The following ZIC2 variants were observed in gnomAD, a reference collection of about 807,000 sequenced individuals.
The protein encoded by ZIC2 is Zic family zinc finger 2, also known as zinc finger protein ZIC 2.
A neutral mutation model predicts 29.5 loss-of-function variants in ZIC2; 7 were observed. The observed-to-expected ratio is 0.24, with a 90% CI of 0.14 to 0.45. The LOEUF (loss-of-function observed/expected upper bound fraction) is 0.45. Among genes scored for constraint, ZIC2 ranks in the 20% least tolerant of loss-of-function variants. ZIC2 has a pLI of 1.00. For synonymous variants in ZIC2, 408 were observed against 354.2 expected (o/e 1.15, Z -1.70); for missense variants, 589 against 781.2 (o/e 0.75, Z 2.93).
At position 99,985,469 on chromosome 13, in the gene ZIC2, G is replaced by T. The variant is rs1383451056; in HGVS notation, c.1386G>T (p.Ala462=). 5.6e-5 allele frequency: 73 copies of T among 1,305,642 alleles called. No individual in the cohort carries two copies. Among genetic ancestry groups the T allele is most frequent in the Non-Finnish European group, 6.2e-5 (64 of 1,036,086 alleles). 80.9% of individuals were successfully genotyped at this position (1,305,642 alleles called of 1,614,324 possible). The change falls in exon 3 of 3, where the codon GCG becomes GCT. Residue 462 remains alanine, a synonymous_variant. Coordinates refer to ENST00000376335, the MANE Select transcript of ZIC2 (RefSeq NM_007129.5). The surrounding 1 kb of genome is among the most constrained non-coding windows in gnomAD (Gnocchi z 6.3). ...CCCCAGCGGCGGCGGCAGCGGCGGC[G>T]GCGGCTGCGGCGGCGGCGGCCGCGG... ...NLSPAAAAAA[A]AAAAAAAAVS... is the part of the protein sequence containing the mutation.
intron 1 of ZIC2, 184 bp from the exon 2 acceptor site, chr13:99,984,762 G>T (rs1266844065): frequency 2.0e-5 from 13 of 657,766 alleles, no homozygotes; most frequent in Non-Finnish European, 3.2e-5. Flanking sequence ...AAATGAGCAG[G>T]ACTGTCGGGC....
Position 99,982,343 on chromosome 13 carries a change from T to A in ZIC2, c.279T>A (p.Ala93=). 1 of 1,465,644 alleles carries A rather than the reference T, an allele frequency of 6.8e-7. No homozygotes were observed. Among genetic ancestry groups the A allele is most frequent in the Non-Finnish European group, 9.0e-7 (1 of 1,111,442 alleles). 90.8% of individuals were successfully genotyped at this position (1,465,644 alleles called of 1,614,324 possible). ...GAYPGSAAAA[A]AAAALGPHAA... is the part of the protein sequence containing the mutation. ...ACCCCGGCTCCGCTGCGGCTGCCGC[T>A]GCGGCCGCAGCGCTCGGGCCCCACG... The change falls in exon 1 of 3, where the codon GCT becomes GCA. Residue 93 remains alanine, a synonymous_variant. Transcript: ENST00000376335.
At position 99,985,073 on chromosome 13, in the gene ZIC2, C is replaced by T. The variant is rs185662169; in HGVS notation, c.1203C>T (p.Ser401=). 8 of 1,614,164 alleles carry T rather than the reference C, an allele frequency of 5.0e-6. No individual in the cohort carries two copies. The Admixed American group carries it at 1.2e-4, about 24-fold the overall frequency. ...KPYLCKMCDK[S]YTHPSSLRKH... is the part of the protein sequence containing the mutation. Reference sequence around the variant, plus strand: ...ATCTCTGCAAGATGTGCGACAAGTCCTACACGCACCCCAGCTCGCTGCGGA... The same window carrying T: ...ATCTCTGCAAGATGTGCGACAAGTCTTACACGCACCCCAGCTCGCTGCGGA... The change falls in exon 2 of 3, where the codon TCC becomes TCT. Residue 401 remains serine, a synonymous_variant. Coordinates refer to ENST00000376335, the MANE Select transcript of ZIC2 (RefSeq NM_007129.5). This position sits in a 1 kb window ranked among gnomAD's most constrained non-coding sequence, Gnocchi z 6.3.
rs1263379769 is a variant in ZIC2 at position 99,982,710 on chromosome 13, C to G, written c.646C>G (p.Pro216Ala). The change falls in exon 1 of 3, where the codon CCC becomes GCC. Residue 216 changes from proline (P) to alanine (A), a missense_variant. Physicochemically the swap from Pro to Ala is conservative, Grantham distance 27. Transcript: ENST00000376335. ...GGCGCAACTCCACAACCAGTACGGC[C>G]CCATGAATATGAACATGGGTATGAA... ...SAAQLHNQYG[P>A]MNMNMGMNMA... The G allele has an allele frequency of 6.2e-7, 1 of 1,600,864 alleles. No homozygotes were observed. The highest frequency in any genetic ancestry group is 8.5e-7 in the Non-Finnish European group (1 of 1,179,914).
Position 99,982,114 on chromosome 13 carries a change from T to A in ZIC2, c.50T>A (p.Phe17Tyr). 1 of 1,290,900 alleles carries A rather than the reference T, an allele frequency of 7.7e-7. No individual in the cohort carries two copies. The highest frequency in any genetic ancestry group is 9.8e-7 in the Non-Finnish European group (1 of 1,024,014). The allele number at this position is 1,290,900 out of a possible 1,614,324, so 80.0% of individuals were successfully genotyped here. A position where few individuals can be genotyped will look rare whatever the true frequency, so the allele number is the denominator to read the frequency against. Residue 17 changes from phenylalanine (F) to tyrosine (Y), a missense_variant, in exon 1 of 3, where the codon TTC (phenylalanine) becomes TAC (tyrosine). By Grantham distance (22) the Phe-to-Tyr change is conservative (BLOSUM62 3). Coordinates refer to ENST00000376335, the MANE Select transcript of ZIC2 (RefSeq NM_007129.5). The stretch of plus-strand genomic sequence containing the variant: ...TTCCCGGCCATCGGGGTGGGCAGCT[T>A]CGCGCGCCACCATCACCACTCCGCC... ...PQFPAIGVGSFARHHHHSAAA... is the reference protein window; with the variant it reads ...PQFPAIGVGSYARHHHHSAAA...
In ZIC2 at chr13:99,982,172, G is replaced by A. The variant is rs1408955612; in HGVS notation, c.108G>A (p.Gln36=). 4.2e-6 allele frequency: 6 copies of A among 1,444,580 alleles called. No individual in the cohort carries two copies. The highest frequency in any genetic ancestry group is 5.4e-6 in the Non-Finnish European group (6 of 1,105,400). The allele number at this position is 1,444,580 out of a possible 1,614,324, so 89.5% of individuals were successfully genotyped here. The change falls in exon 1 of 3, where the codon CAG becomes CAA. Residue 36 remains glutamine, a synonymous_variant. Transcript: ENST00000376335. ...AAAAAAAAEM[Q]DRELSLAAAQ... ...CGGCGGCGGCTGCCGCCGAGATGCA[G>A]GACCGTGAACTGAGCCTGGCGGCGG...
Position 99,982,087 on chromosome 13 carries a change from A to C in ZIC2, c.23A>C (p.Gln8Pro), listed in dbSNP as rs1340189366. The C allele has an allele frequency of 8.0e-7, 1 of 1,257,128 alleles. No homozygotes were observed. Among genetic ancestry groups the C allele is most frequent in the Non-Finnish European group, 1.0e-6 (1 of 1,004,970 alleles). 77.9% of individuals were successfully genotyped at this position (1,257,128 alleles called of 1,614,324 possible). A position where few individuals can be genotyped will look rare whatever the true frequency, so the allele number is the denominator to read the frequency against. The stretch of plus-strand genomic sequence containing the variant: ...GCCATGCTCCTGGACGCGGGTCCGC[A>C]GTTCCCGGCCATCGGGGTGGGCAGC... MLLDAGP[Q>P]FPAIGVGSFA... is the part of the protein sequence containing the mutation. The change falls in exon 1 of 3, where the codon CAG (glutamine) becomes CCG (proline). Residue 8 changes from glutamine to proline, a missense_variant. This residue lies in a region of ZIC2 where 358 missense variants were observed against 382.0 expected (regional missense o/e 0.94). Transcript: ENST00000376335.
In ZIC2 at chr13:99,985,494, G is replaced by T; in HGVS notation, c.1411G>T (p.Val471Leu). The stretch of plus-strand genomic sequence containing the variant: ...GGCGGCTGCGGCGGCGGCGGCCGCG[G>T]TGTCCGCGGTGCACCGGGGCGGAGG... ...AAAAAAAAAA[V>L]SAVHRGGGSG... Residue 471 changes from valine to leucine, a missense_variant, in exon 3 of 3, where the codon GTG (valine) becomes TTG (leucine). Physicochemically the swap from Val to Leu is conservative, Grantham distance 32. Coordinates refer to ENST00000376335, the MANE Select transcript of ZIC2 (RefSeq NM_007129.5). This position sits in a 1 kb window ranked among gnomAD's most constrained non-coding sequence, Gnocchi z 6.3. 3.3e-6 allele frequency: 4 copies of T among 1,216,662 alleles called. No individual in the cohort carries two copies. The highest frequency in any genetic ancestry group is 4.1e-6 in the Non-Finnish European group (4 of 985,206). 75.4% of individuals were successfully genotyped at this position (1,216,662 alleles called of 1,614,324 possible). A position where few individuals can be genotyped will look rare whatever the true frequency, so the allele number is the denominator to read the frequency against.
rs946231184 is a variant in ZIC2, at chr13:99,982,175, C to T, written c.111C>T (p.Asp37=). The change falls in exon 1 of 3, where the codon GAC becomes GAT. Residue 37 remains aspartate, a synonymous_variant. Transcript: ENST00000376335. ...CGGCGGCTGCCGCCGAGATGCAGGA[C>T]CGTGAACTGAGCCTGGCGGCGGCGC... ...AAAAAAAEMQ[D]RELSLAAAQN... 2 of 1,472,316 alleles carry T rather than the reference C, an allele frequency of 1.4e-6. No homozygotes were observed. Among genetic ancestry groups the T allele is most frequent in the Admixed American group, 2.3e-5 (1 of 43,310 alleles). The allele number at this position is 1,472,316 out of a possible 1,614,324, so 91.2% of individuals were successfully genotyped here. A position where few individuals can be genotyped will look rare whatever the true frequency, so the allele number is the denominator to read the frequency against.
At position 99,986,326 on chromosome 13, in the gene ZIC2, A is replaced by G; in HGVS notation, c.*644A>G. On this transcript the variant is annotated 3_prime_UTR_variant, in exon 3 of 3. Transcript: ENST00000376335. ...GACTGGAAAAAATGAGCCGTGCCAA[A>G]GTCTCCCTTCTGTTTCTTCAGCACA... 1 of 274,372 alleles carries G rather than the reference A, an allele frequency of 3.6e-6. No homozygotes were observed. Among genetic ancestry groups the G allele is most frequent in the Non-Finnish European group, 7.1e-6 (1 of 140,008 alleles). 17.0% of individuals were successfully genotyped at this position (274,372 alleles called of 1,614,324 possible). A position where few individuals can be genotyped will look rare whatever the true frequency, so the allele number is the denominator to read the frequency against.
At position 99,985,645 on chromosome 13, in the gene ZIC2, G is replaced by T; in HGVS notation, c.1562G>T (p.Ser521Ile). 7.7e-7 allele frequency: 1 copy of T among 1,298,492 alleles called. No individual in the cohort carries two copies. The highest frequency in any genetic ancestry group is 1.0e-6 in the Non-Finnish European group (1 of 1,002,458). 80.4% of individuals were successfully genotyped at this position (1,298,492 alleles called of 1,614,324 possible). The stretch of plus-strand genomic sequence containing the variant: ...GGCAGCGGGACAGCCGGGGGTCACA[G>T]CGGCCTCTCCTCCAACTTCAATGAA... ...GGGSGTAGGH[S>I]GLSSNFNEWY... The change falls in exon 3 of 3, where the codon AGC (serine) becomes ATC (isoleucine). Residue 521 changes from serine (S) to isoleucine (I), a missense_variant. By Grantham distance (142) the Ser-to-Ile change is moderately radical. Coordinates refer to ENST00000376335, the MANE Select transcript of ZIC2 (RefSeq NM_007129.5). This position sits in a 1 kb window ranked among gnomAD's most constrained non-coding sequence, Gnocchi z 6.3.
chr13:99,985,443 T>C lies in ZIC2; in HGVS notation c.1360T>C (p.Ser454Pro). The C allele has an allele frequency of 7.0e-7, 1 of 1,424,472 alleles. No individual in the cohort carries two copies. The highest frequency in any genetic ancestry group is 9.1e-7 in the Non-Finnish European group (1 of 1,097,368). The allele number at this position is 1,424,472 out of a possible 1,614,324, so 88.2% of individuals were successfully genotyped here. ...CGAGCCCCAGAGCAGCTCCAACCTG[T>C]CCCCAGCGGCGGCGGCAGCGGCGGC... ...SAEPQSSSNLSPAAAAAAAAA... is the reference protein window; with the variant it reads ...SAEPQSSSNLPPAAAAAAAAA... Residue 454 changes from serine (S) to proline (P), a missense_variant, in exon 3 of 3, where the codon TCC becomes CCC. Ser to Pro is a moderately conservative substitution (Grantham distance 74, BLOSUM62 -1). Transcript: ENST00000376335. This position sits in a 1 kb window ranked among gnomAD's most constrained non-coding sequence, Gnocchi z 6.3.
In ZIC2 at chr13:99,985,276, T is replaced by A; in HGVS notation, c.1240-47T>A. The A allele has an allele frequency of 6.2e-7, 1 of 1,600,360 alleles. No homozygotes were observed. On this transcript the variant is annotated intron_variant, in intron 2 of 2. Transcript: ENST00000376335. This position sits in a 1 kb window ranked among gnomAD's most constrained non-coding sequence, Gnocchi z 6.3. ...GGGCCCGGCCCCACAGCAGCTGCAC[T>A]CACACCCAGTCCCCTCTGGTCCCCC...
chr13:99,984,610 C>T (rs1322372656), intron 1 of ZIC2: 5 of 374,986 alleles, frequency 1.3e-5, no homozygotes, highest in Non-Finnish European at 2.6e-5. Flanking sequence ...ATAATAACAG[C>T]TTCTCCGTGG....
At position 99,982,919 on chromosome 13, in the gene ZIC2, A is replaced by G. The variant is rs780880109; in HGVS notation, c.855A>G (p.Thr285=). ...TCAGCACCATGCACGAGCTGGTGAC[A>G]CACGTCTCGGTGGAGCACGTCGGCG... is the stretch of plus-strand genomic sequence containing the variant. ...KTFSTMHELV[T]HVSVEHVGGP... The change falls in exon 1 of 3, where the codon ACA becomes ACG. Residue 285 remains threonine, a synonymous_variant. Coordinates refer to ENST00000376335, the MANE Select transcript of ZIC2 (RefSeq NM_007129.5). 139 of 1,612,936 alleles carry G rather than the reference A, an allele frequency of 8.6e-5. No individual in the cohort carries two copies. The highest frequency in any genetic ancestry group is 6.3e-5 in the Non-Finnish European group (74 of 1,179,878).
In ZIC2 at chr13:99,983,388, A is replaced by G. The variant is rs952285196; in HGVS notation, c.1075+249A>G. On this transcript the variant is annotated intron_variant, in intron 1 of 2. Transcript: ENST00000376335. The surrounding 1 kb of genome is among the most constrained non-coding windows in gnomAD (Gnocchi z 4.7). The stretch of plus-strand genomic sequence containing the variant: ...CTCACATCAAATGTATGCTTGGGTC[A>G]TGCAATTGCTTCGTTTGCTCAGCCC... Among the ~76,000 whole-genome samples the G allele has an allele frequency of 6.6e-5, 10 of 152,232 alleles. No homozygotes were observed. Among genetic ancestry groups the G allele is most frequent in the Non-Finnish European group, 1.3e-4 (9 of 68,044 alleles).
rs931419135 is a variant in ZIC2, at chr13:99,982,080, G to A, written c.16G>A (p.Gly6Ser). Residue 6 changes from glycine to serine, a missense_variant, in exon 1 of 3, where the codon GGT becomes AGT. Physicochemically the swap from Gly to Ser is moderately conservative, Grantham distance 56 (BLOSUM62 0). Around this residue, in one of 7 missense-constraint regions of ZIC2, gnomAD observed 358 missense variants for 382.0 expected, o/e 0.94. Transcript: ENST00000376335. MLLDA[G>S]PQFPAIGVGS... is the part of the protein sequence containing the mutation. Reference sequence around the variant, plus strand: ...CGCGCTGGCCATGCTCCTGGACGCGGGTCCGCAGTTCCCGGCCATCGGGGT... The same window carrying A: ...CGCGCTGGCCATGCTCCTGGACGCGAGTCCGCAGTTCCCGGCCATCGGGGT... 8.0e-7 allele frequency: 1 copy of A among 1,254,896 alleles called. No homozygotes were observed. Among genetic ancestry groups the A allele is most frequent in the Non-Finnish European group, 1.0e-6 (1 of 1,003,272 alleles). The allele number at this position is 1,254,896 out of a possible 1,614,324, so 77.7% of individuals were successfully genotyped here.
chr13:99,984,883 C>T (rs983259108), intron 1 of ZIC2, 63 bp from the exon 2 acceptor site: 109 of 1,609,868 alleles, frequency 6.8e-5, no homozygotes, highest in Middle Eastern at 1.7e-4. Context: ...CCCCTCGCAG[C>T]CTGAGTGGGG....
At position 99,982,031 on chromosome 13, in the gene ZIC2, G is replaced by A. The variant is rs1349461537; in HGVS notation, c.-34G>A. 6 of 1,220,702 alleles carry A rather than the reference G, an allele frequency of 4.9e-6. 1 individual carries two copies. Among genetic ancestry groups the A allele is most frequent in the South Asian group, 4.0e-5 (1 of 25,092 alleles). 75.6% of individuals were successfully genotyped at this position (1,220,702 alleles called of 1,614,324 possible). On this transcript the variant is annotated 5_prime_UTR_variant, in exon 1 of 3. Transcript: ENST00000376335. ...GCGGGAGTCGAGGCGGCGCGGAGGC[G>A]CAGGGCTCGCAGGGGCGGGCGGGCG...
Sources: gnomAD v4.1 joint callset for allele counts (sites outside exome capture counted in the v4.1 genomes callset) on GRCh38, gnomAD v4.1.1 for gene constraint, gnomAD v4.1.1 regional missense constraint, Gnocchi (gnomAD v3.1) non-coding constraint, MANE v1.5 for transcripts, NCBI Gene and HGNC (gene_info 2026-07-23, HGNC 2026-07-21) for gene names.